The following KCNMB3 variants were observed in gnomAD, a reference collection of about 807,000 sequenced individuals.
KCNMB3 encodes calcium-activated potassium channel subunit beta-3.
KCNMB3 carries 18 observed loss-of-function variants against 11.9 expected under a neutral mutation model. The ratio of observed to expected loss-of-function variants is 1.51; its 90% CI spans 1.04 to 2.23. The LOEUF is 2.23. KCNMB3 is among the 30% of genes most tolerant of loss of function. KCNMB3 has a pLI of 0.00. For missense variants in KCNMB3, 247 were observed against 329.4 expected (o/e 0.75, Z 1.94); for synonymous variants, 78 against 119.2 (o/e 0.65, Z 2.25).
chr3:179,256,858 C>A (rs945766503), intron 1 of KCNMB3, among the ~76,000 whole-genome samples: 21 of 152,088 alleles, frequency 1.4e-4, no homozygotes, highest in African/African-American at 5.1e-4. Context: ...AGTAAATGAT[C>A]CAGTTAAAAG....
At chr3:179,261,176 GC>G in intron 1 of KCNMB3, 1 of 1,335,832 alleles carries the variant, frequency 7.5e-7, no homozygotes, top group Non-Finnish European at 1.0e-6. Context: ...CTCCGCGCGG[GC>G]CTCCCGTTTT....
downstream of KCNMB3, chr3:179,242,288 A>C (rs1014457368): frequency 6.6e-6 from 1 of 152,250 alleles, no homozygotes; most frequent in African/African-American, 2.4e-5. Context: ...CCAGCTACTT[A>C]GGAAGCTGAA....
chr3:179,259,716 T>C (rs1726140477), intron 1 of KCNMB3: 2 of 1,578,814 alleles, frequency 1.3e-6, no homozygotes, highest in South Asian at 1.2e-5. Context: ...TTTTTTCCTC[T>C]TCTTTTTCTT....
At chr3:179,262,077 C>G (rs1726232725) in intron 1 of KCNMB3, among the ~76,000 whole-genome samples, 1 of 152,144 alleles carries the variant, frequency 6.6e-6, no homozygotes, top group Non-Finnish European at 1.5e-5. Context: ...ACTGATTAAA[C>G]TACAAGAAGA....
intron 1 of KCNMB3, among the ~76,000 whole-genome samples, chr3:179,248,324 A>AT (rs1725713857): frequency 1.3e-5 from 2 of 152,226 alleles, no homozygotes. Context: ...GCATATACTT[A>AT]ATAAGTAGCA....
At chr3:179,245,400 A>C (rs1425340778) in intron 1 of KCNMB3, among the ~76,000 whole-genome samples, 1 of 152,172 alleles carries the variant, frequency 6.6e-6, no homozygotes, top group Non-Finnish European at 1.5e-5. Flanking sequence ...CTATCAATTA[A>C]GTTCCTAGAG....
rs60270913 is a variant in KCNMB3 at position 179,263,800 on chromosome 3, C to CTTTTTTTTTTT, written c.62+2838_62+2848dup. Reference sequence around the variant, plus strand: ...TCTGTTTTGTTTTTCTTTTTCTTTTCTTTTTTTTTTTTTTTTTTTTTTTGA... The same window carrying CTTTTTTTTTTT: ...TCTGTTTTGTTTTTCTTTTTCTTTTCTTTTTTTTTTTTTTTTTTTTTTTTTTTTTTTTTTGA... On this transcript the variant is annotated intron_variant, in intron 1 of 3. Transcript: ENST00000349697. Among the ~76,000 whole-genome samples the CTTTTTTTTTTT allele has an allele frequency of 6.2e-3, 374 of 59,976 alleles. 1 individual carries two copies. Among genetic ancestry groups the CTTTTTTTTTTT allele is most frequent in the Non-Finnish European group, 7.3e-3 (254 of 34,586 alleles). 39.3% of individuals were successfully genotyped at this position (59,976 alleles called of 152,430 possible).
chr3:179,251,297 A>C, upstream of KCNMB3: 1 of 1,447,890 alleles, frequency 6.9e-7, no homozygotes, highest in East Asian at 2.5e-5. Context: ...ATTTGTTTAC[A>C]TTCTCCTTTG....
intron 1 of KCNMB3, among the ~76,000 whole-genome samples, chr3:179,262,750 T>C (rs1243364956): frequency 6.6e-6 from 1 of 152,114 alleles, no homozygotes; most frequent in African/African-American, 2.4e-5. Flanking sequence ...GTTCTCCACA[T>C]CCCCACTAGA....
chr3:179,244,794 G>T, intron 1 of KCNMB3, 101 bp from the exon 2 acceptor site: 1 of 969,906 alleles, frequency 1.0e-6, no homozygotes, highest in Non-Finnish European at 1.6e-6. Flanking sequence ...CAAGGCATTT[G>T]TGTACAAGGC....
intron 1 of KCNMB3, among the ~76,000 whole-genome samples, chr3:179,266,208 G>A (rs1726365795): frequency 6.6e-6 from 1 of 151,818 alleles, no homozygotes; most frequent in South Asian, 2.1e-4. Flanking sequence ...TGACTCCAGG[G>A]CTTCACCAAT....
intron 1 of KCNMB3, among the ~76,000 whole-genome samples, chr3:179,258,358 A>G (rs988038439): frequency 6.6e-6 from 1 of 152,272 alleles, no homozygotes; most frequent in Non-Finnish European, 1.5e-5. Context: ...CAACAATGAG[A>G]TCCAAAAGCA....
intron 1 of KCNMB3, among the ~76,000 whole-genome samples, chr3:179,262,302 T>A (rs1011489613): frequency 2.0e-5 from 3 of 152,168 alleles, no homozygotes; most frequent in Non-Finnish European, 4.4e-5. Context: ...CCGGAATTGG[T>A]GGGTTCTTGG....
intron 1 of KCNMB3, chr3:179,259,595 C>T: frequency 6.2e-7 from 1 of 1,608,500 alleles, no homozygotes; most frequent in Non-Finnish European, 8.5e-7. Context: ...CCACTGCTGA[C>T]TTTCTGTCAG....
At chr3:179,240,067 G>C (rs149692458), downstream of KCNMB3, 2,750 of 1,524,314 alleles carry the variant, frequency 1.8e-3, 45 homozygotes, top group East Asian at 0.031. Flanking sequence ...ACATCACGCT[G>C]TTTATTAAAA....
At chr3:179,260,956 G>C in intron 1 of KCNMB3, 2 of 1,076,510 alleles carry the variant, frequency 1.9e-6, no homozygotes, top group Non-Finnish European at 2.9e-6. Flanking sequence ...CTGCTAGAGA[G>C]TCCTTGATTT....
Position 179,266,939 on chromosome 3 carries a change from A to C in KCNMB3, c.-229T>G, listed in dbSNP as rs1726387268. ...CTGGCAAGGCGGAGCGGTCAGTTCTAGATGATCAAGAAGGACCTGCGTGGT... is the reference window on the plus strand; with the variant it reads ...CTGGCAAGGCGGAGCGGTCAGTTCTCGATGATCAAGAAGGACCTGCGTGGT... On this transcript the variant is annotated 5_prime_UTR_variant, in exon 1 of 4. Transcript: ENST00000349697. The C allele has an allele frequency of 5.9e-6, 8 of 1,356,698 alleles. No homozygotes were observed. In the South Asian group the frequency reaches 1.6e-4, roughly 27 times the overall value. 84.0% of individuals were successfully genotyped at this position (1,356,698 alleles called of 1,614,324 possible).
rs1726105879 is a variant in KCNMB3, at chr3:179,258,827, C to T, written c.62+7822G>A. 9 of 1,437,498 alleles carry T rather than the reference C, an allele frequency of 6.3e-6. No individual in the cohort carries two copies. The South Asian group carries it at 1.1e-4, about 18-fold the overall frequency. 89.0% of individuals were successfully genotyped at this position (1,437,498 alleles called of 1,614,324 possible). A position where few individuals can be genotyped will look rare whatever the true frequency, so the allele number is the denominator to read the frequency against. ...CTGATAACAAATATGTCTTTCTAAT[C>T]TGGGTGATAACCTCAATGATTACAT... is the stretch of plus-strand genomic sequence containing the variant. On this transcript the variant is annotated intron_variant, in intron 1 of 3. Transcript: ENST00000349697.
chr3:179,261,028 A>T (rs1205759796), intron 1 of KCNMB3: 1 of 979,942 alleles, frequency 1.0e-6, no homozygotes, highest in Admixed American at 1.7e-5. Context: ...TCTGAGAGGA[A>T]GTCCCACCCA....
Sources: allele counts gnomAD v4.1 joint callset (sites outside exome capture counted in the v4.1 genomes callset), GRCh38; gene constraint gnomAD v4.1.1; transcripts MANE v1.5; gene names NCBI Gene and HGNC (gene_info 2026-07-23, HGNC 2026-07-21).